Variants in CAMSAP1 observed in about 807,000 individuals in gnomAD.
CAMSAP1 encodes the protein calmodulin-regulated spectrin-associated protein 1.
Under a neutral mutation model 143.5 loss-of-function variants are expected in CAMSAP1, and 58 were observed. The observed-to-expected ratio is 0.40, with a 90% CI of 0.33 to 0.50. The LOEUF (loss-of-function observed/expected upper bound fraction) is 0.50, where lower values mean the gene tolerates loss of function less well. CAMSAP1 is among the 20% of genes least tolerant of loss of function. The pLI is 0.45. For missense variants in CAMSAP1, 1,969 were observed against 2,115.7 expected (o/e 0.93, Z 1.36); for synonymous variants, 945 against 859.3 (o/e 1.10, Z -1.74).
chr9:135,850,392 G>A lies in CAMSAP1; in HGVS notation c.878C>T (p.Ser293Phe), dbSNP rs1400691530. The change falls in exon 6 of 17, where the codon TCC becomes TTC. Residue 293 changes from serine to phenylalanine, a missense_variant. Ser to Phe is a radical substitution (Grantham distance 155). Coordinates refer to ENST00000389532, the MANE Select transcript of CAMSAP1 (RefSeq NM_015447.4). Reference sequence around the variant, plus strand: ...AAAACATTTATTAAGATATTCATTGGAGAATTCTCTCAGAAGCCGAATATT... The same window carrying A: ...AAAACATTTATTAAGATATTCATTGAAGAATTCTCTCAGAAGCCGAATATT... Reference protein sequence around the residue: ...LYNIRLLREFSNEYLNKCFYL... With the variant: ...LYNIRLLREFFNEYLNKCFYL... 6.2e-7 allele frequency: 1 copy of A among 1,612,060 alleles called. No individual in the cohort carries two copies. Among genetic ancestry groups the A allele is most frequent in the Non-Finnish European group, 8.5e-7 (1 of 1,179,320 alleles).
chr9:135,885,406 C>G (rs1310741614), intron 1 of CAMSAP1, among the ~76,000 whole-genome samples: 2 of 152,146 alleles, frequency 1.3e-5, no homozygotes, highest in East Asian at 1.9e-4. Context: ...TGCAGTCCCC[C>G]TAGGAGAGCA....
At chr9:135,814,553 G>C (rs1835160117) in intron 16 of CAMSAP1, among the ~76,000 whole-genome samples, 1 of 152,140 alleles carries the variant, frequency 6.6e-6, no homozygotes, top group African/African-American at 2.4e-5. Context: ...CCCTCCCTGG[G>C]CATGCACACT....
At chr9:135,858,576 G>C (rs954288885) in intron 5 of CAMSAP1, among the ~76,000 whole-genome samples, 1 of 152,182 alleles carries the variant, frequency 6.6e-6, no homozygotes, top group Non-Finnish European at 1.5e-5. Flanking sequence ...CATTTGTCAG[G>C]GTTCTCCAGA....
intron 1 of CAMSAP1, among the ~76,000 whole-genome samples, chr9:135,905,346 A>G (rs1838745787): frequency 6.6e-6 from 1 of 152,242 alleles, no homozygotes; most frequent in Non-Finnish European, 1.5e-5. Flanking sequence ...GCACCTTGCT[A>G]AAGAAATTGG....
chr9:135,845,577 GTC>G (rs1836521829), intron 7 of CAMSAP1, among the ~76,000 whole-genome samples: 2 of 152,198 alleles, frequency 1.3e-5, no homozygotes, highest in South Asian at 2.1e-4. Flanking sequence ...AAGTCAAATT[GTC>G]TCTGTTTGCA....
At chr9:135,895,758 G>A (rs142467220) in intron 1 of CAMSAP1, among the ~76,000 whole-genome samples, 2,076 of 152,254 alleles carry the variant, frequency 0.014, 25 homozygotes, top group Non-Finnish European at 0.02. Context: ...GAGAGAGCAA[G>A]GGCGGCTAAA....
chr9:135,899,254 T>C (rs574203557), intron 1 of CAMSAP1, among the ~76,000 whole-genome samples: 1 of 152,128 alleles, frequency 6.6e-6, no homozygotes, highest in East Asian at 1.9e-4. Context: ...ATGTGTGCTT[T>C]ACCAGATGTA....
At chr9:135,885,671 T>C (rs1838099085) in intron 1 of CAMSAP1, among the ~76,000 whole-genome samples, 1 of 152,230 alleles carries the variant, frequency 6.6e-6, no homozygotes, top group South Asian at 2.1e-4. Context: ...GGTGACCCAC[T>C]TTTAAAATTA....
At chr9:135,895,830 T>A (rs1838430541) in intron 1 of CAMSAP1, among the ~76,000 whole-genome samples, 1 of 152,172 alleles carries the variant, frequency 6.6e-6, no homozygotes, top group Non-Finnish European at 1.5e-5. Context: ...TAAACTGTTG[T>A]AAGTCACATA....
In CAMSAP1 at chr9:135,822,796, C is replaced by T. The variant is rs371101309; in HGVS notation, c.1865G>A (p.Ser622Asn). 73 of 1,613,852 alleles carry T rather than the reference C, an allele frequency of 4.5e-5. 2 individuals are homozygous for T. In the Middle Eastern group the frequency reaches 4.9e-4, roughly 11 times the overall value. Residue 622 changes from serine (S) to asparagine (N), a missense_variant, in exon 11 of 17, where the codon AGC (serine) becomes AAC (asparagine). Ser to Asn is a conservative substitution (Grantham distance 46, BLOSUM62 1). Transcript: ENST00000389532. This position sits in a 1 kb window ranked among gnomAD's most constrained non-coding sequence, Gnocchi z 6.1. ...CTCGCTGGGCCTCCTAGACACGATG[C>T]TCCTCGGTCTCCCTTCCCCCCGTTC... Reference protein sequence around the residue: ...EDERGEGRPRSIVSRRPSEGP... With the variant: ...EDERGEGRPRNIVSRRPSEGP...
intron 5 of CAMSAP1, among the ~76,000 whole-genome samples, chr9:135,853,181 C>T (rs1021520924): frequency 2.0e-5 from 3 of 152,114 alleles, no homozygotes; most frequent in Admixed American, 6.5e-5. Context: ...GAGGACACAC[C>T]GCAAGGAAAC....
At position 135,818,405 on chromosome 9, in the gene CAMSAP1, T is replaced by C. The variant is rs772924617; in HGVS notation, c.4168+3A>G. The C allele has an allele frequency of 8.9e-6, 14 of 1,572,508 alleles. No homozygotes were observed. In the Admixed American group the frequency reaches 1.4e-4, roughly 16 times the overall value. Reference sequence around the variant, plus strand: ...TGCCCGCGTGAGGGCCGGGGCTGCTTACGGGTGGAGGAGCACTTGGTGCCG... The same window carrying C: ...TGCCCGCGTGAGGGCCGGGGCTGCTCACGGGTGGAGGAGCACTTGGTGCCG... On this transcript the variant is annotated splice_donor_region_variant and intron_variant, in intron 13 of 16. Coordinates refer to ENST00000389532, the MANE Select transcript of CAMSAP1 (RefSeq NM_015447.4). This position sits in a 1 kb window ranked among gnomAD's most constrained non-coding sequence, Gnocchi z 7.7.
At chr9:135,904,072 G>A (rs778009224) in intron 1 of CAMSAP1, among the ~76,000 whole-genome samples, 1 of 152,160 alleles carries the variant, frequency 6.6e-6, no homozygotes, top group Non-Finnish European at 1.5e-5. Context: ...TTTTTACACA[G>A]TTTTACACAG....
chr9:135,822,020 G>C lies in CAMSAP1; in HGVS notation c.2641C>G (p.Leu881Val), dbSNP rs1450167574. Residue 881 changes from leucine (L) to valine (V), a missense_variant, in exon 11 of 17, where the codon CTG becomes GTG. Around this residue, in one of 4 missense-constraint regions of CAMSAP1, gnomAD observed 1,390 missense variants for 1,420.8 expected, o/e 0.98. Transcript: ENST00000389532. The surrounding 1 kb of genome is among the most constrained non-coding windows in gnomAD (Gnocchi z 6.1). ...CGCTTCTCCTCCAGCTGCATGTGCAGCTGTACCAGCTCAGATGCCAGGAGG... is the reference window on the plus strand; with the variant it reads ...CGCTTCTCCTCCAGCTGCATGTGCACCTGTACCAGCTCAGATGCCAGGAGG... Reference protein sequence around the residue: ...ASLLASELVQLHMQLEEKRRA... With the variant: ...ASLLASELVQVHMQLEEKRRA... The C allele has an allele frequency of 6.2e-7, 1 of 1,612,866 alleles. No homozygotes were observed. The highest frequency in any genetic ancestry group is 1.3e-5 in the African/African-American group (1 of 74,956).
In CAMSAP1 at chr9:135,821,941, C is replaced by T. The variant is rs747762999; in HGVS notation, c.2720G>A (p.Arg907His). ...GAATGCAGCCTTGCCGAGCTTCAGG[C>T]GCTGCCTTGCCGACAGCGCCTCCAT... ...KKMEALSARQ[R>H]LKLGKAAFLH... is the part of the protein sequence containing the mutation. Residue 907 changes from arginine to histidine, a missense_variant, in exon 11 of 17, where the codon CGC (arginine) becomes CAC (histidine). By Grantham distance (29) the Arg-to-His change is conservative (BLOSUM62 0). Around this residue, in one of 4 missense-constraint regions of CAMSAP1, gnomAD observed 1,390 missense variants for 1,420.8 expected, o/e 0.98. Coordinates refer to ENST00000389532, the MANE Select transcript of CAMSAP1 (RefSeq NM_015447.4). The surrounding 1 kb of genome is among the most constrained non-coding windows in gnomAD (Gnocchi z 4.6). 13 of 1,612,670 alleles carry T rather than the reference C, an allele frequency of 8.1e-6. No homozygotes were observed. The African/African-American group carries it at 9.4e-5, about 12-fold the overall frequency.
intron 1 of CAMSAP1, among the ~76,000 whole-genome samples, chr9:135,892,037 G>C (rs2131008264): frequency 6.6e-6 from 1 of 152,310 alleles, no homozygotes; most frequent in South Asian, 2.1e-4. Context: ...CTTGAAGTAT[G>C]AGACGATGTC....
intron 3 of CAMSAP1, among the ~76,000 whole-genome samples, chr9:135,878,524 G>GA (rs1380895024): frequency 1.3e-5 from 2 of 152,216 alleles, no homozygotes; most frequent in Non-Finnish European, 2.9e-5. Flanking sequence ...TGATGCTGGA[G>GA]AAAAAACTCA....
intron 7 of CAMSAP1, 109 bp from the exon 8 acceptor site, chr9:135,827,693 C>T (rs1334536036): frequency 1.9e-6 from 2 of 1,079,880 alleles, no homozygotes; most frequent in Non-Finnish European, 2.5e-6. Context: ...TGAAACCAAA[C>T]TTCTGCCAAA....
intron 7 of CAMSAP1, among the ~76,000 whole-genome samples, chr9:135,846,900 T>C (rs1017217723): frequency 2.0e-5 from 3 of 152,088 alleles, no homozygotes; most frequent in Admixed American, 6.5e-5. Flanking sequence ...AGAGAGGATA[T>C]GGAGAAATGG....
Sources: gnomAD v4.1 joint callset for allele counts (sites outside exome capture counted in the v4.1 genomes callset) on GRCh38, gnomAD v4.1.1 for gene constraint, gnomAD v4.1.1 regional missense constraint, Gnocchi (gnomAD v3.1) non-coding constraint, MANE v1.5 for transcripts, NCBI Gene and HGNC (gene_info 2026-07-23, HGNC 2026-07-21) for gene names.